The following ZNF503 variants were observed in gnomAD, a reference collection of about 807,000 sequenced individuals.
ZNF503 encodes NocA-like zinc finger 2.
In ZNF503, 15 loss-of-function variants were observed where a neutral mutation model predicts 34.4. That is an observed-to-expected ratio of 0.44 (90% confidence interval 0.29 to 0.67). The LOEUF (loss-of-function observed/expected upper bound fraction) is 0.67, where lower values mean the gene tolerates loss of function less well. ZNF503 is among the 30% of genes least tolerant of loss of function. The pLI is 0.13. For missense variants in ZNF503, 1,007 were observed against 926.8 expected (o/e 1.09, Z -1.12); for synonymous variants, 580 against 456.8 (o/e 1.27, Z -3.44).
At chr10:75,357,959 T>C in the ZNF503 span, among the ~76,000 whole-genome samples, 3 of 152,340 alleles carry the variant, frequency 2.0e-5, no homozygotes, top group East Asian at 3.9e-4. Context: ...CAGTGAGTTA[T>C]GTAAGGCACT....
chr10:75,352,077 C>T, the ZNF503 span, among the ~76,000 whole-genome samples: 1 of 123,126 alleles, frequency 8.1e-6, no homozygotes, highest in South Asian at 2.3e-4. Flanking sequence ...ATTGAAATGC[C>T]TATGGGTGCT....
chr10:75,380,260 C>G, the ZNF503 span, among the ~76,000 whole-genome samples: 3 of 152,176 alleles, frequency 2.0e-5, no homozygotes, highest in Non-Finnish European at 2.9e-5. Context: ...AGAGCGCTTA[C>G]CACCTTCCAG....
the ZNF503 span, among the ~76,000 whole-genome samples, chr10:75,377,898 G>A: frequency 3.9e-5 from 6 of 152,276 alleles, no homozygotes; most frequent in Non-Finnish European, 5.9e-5. Flanking sequence ...AAGCATAGCA[G>A]CTTCTGTTTC....
At chr10:75,317,142 A>C in the ZNF503 span, among the ~76,000 whole-genome samples, 27 of 151,288 alleles carry the variant, frequency 1.8e-4, no homozygotes, top group African/African-American at 4.9e-5. Flanking sequence ...GAGTTTCGCC[A>C]TGCTGGCCAG....
chr10:75,393,358 G>A (rs1843663640), downstream of ZNF503, among the ~76,000 whole-genome samples: 1 of 152,228 alleles, frequency 6.6e-6, no homozygotes, highest in Non-Finnish European at 1.5e-5. Context: ...CCTGGATTGG[G>A]AGCCAACCCA....
At position 75,401,285 on chromosome 10, in the gene ZNF503, T is replaced by TGGGCCG. The variant is rs750741025; in HGVS notation, c.129_134dup (p.Pro45_Gly46dup). 7.1e-5 allele frequency: 112 copies of TGGGCCG among 1,577,528 alleles called. No homozygotes were observed. Among genetic ancestry groups the TGGGCCG allele is most frequent in the Non-Finnish European group, 6.9e-5 (80 of 1,163,972 alleles). ...TGGTGCTGCCGGCCGGGGACGAGCC[T>TGGGCCG]GGGCCGGGGCCGGAGCTATTTCCAG... On this transcript the variant is annotated inframe_insertion, in exon 1 of 2. Coordinates refer to ENST00000372524, the MANE Select transcript of ZNF503 (RefSeq NM_032772.6).
chr10:75,360,664 T>C, the ZNF503 span: 2 of 152,242 alleles, frequency 1.3e-5, no homozygotes, highest in African/African-American at 4.8e-5. Context: ...TAATGTTCTA[T>C]AGAGGCCTGT....
the ZNF503 span, among the ~76,000 whole-genome samples, chr10:75,312,850 G>T: frequency 1.3e-5 from 2 of 152,196 alleles, no homozygotes; most frequent in African/African-American, 4.8e-5. Context: ...TTGAATTGTA[G>T]TAATACCCAT....
At position 75,401,431 on chromosome 10, in the gene ZNF503, G is replaced by C. The variant is rs958847085; in HGVS notation, c.-12C>G. Reference sequence around the variant, plus strand: ...GGCGCTGTGCTCATGACCCACCCGCGCGCATGGGAGCAGCGGGGGGGAGGG... The same window carrying C: ...GGCGCTGTGCTCATGACCCACCCGCCCGCATGGGAGCAGCGGGGGGGAGGG... On this transcript the variant is annotated 5_prime_UTR_variant, in exon 1 of 2. Transcript: ENST00000372524. 52 of 1,532,224 alleles carry C rather than the reference G, an allele frequency of 3.4e-5. No homozygotes were observed. Among genetic ancestry groups the C allele is most frequent in the Non-Finnish European group, 4.1e-5 (47 of 1,144,552 alleles). The allele number at this position is 1,532,224 out of a possible 1,614,324, so 94.9% of individuals were successfully genotyped here.
the ZNF503 span, among the ~76,000 whole-genome samples, chr10:75,368,026 A>AT: frequency 6.6e-6 from 1 of 152,200 alleles, no homozygotes; most frequent in Non-Finnish European, 1.5e-5. Context: ...GAGTTAGGGC[A>AT]TTGAACCTCG....
the ZNF503 span, among the ~76,000 whole-genome samples, chr10:75,363,812 G>T: frequency 2.6e-5 from 4 of 152,170 alleles, no homozygotes; most frequent in Non-Finnish European, 5.9e-5. Context: ...ATATACACTG[G>T]ATTTTCTAGG....
At chr10:75,392,955 G>C (rs1439336518), downstream of ZNF503, among the ~76,000 whole-genome samples, 1 of 152,226 alleles carries the variant, frequency 6.6e-6, no homozygotes, top group East Asian at 1.9e-4. Flanking sequence ...GGTCAAGAGA[G>C]ACTCAGCCTT....
the ZNF503 span, among the ~76,000 whole-genome samples, chr10:75,359,876 TGA>T: frequency 6.6e-6 from 1 of 152,122 alleles, no homozygotes; most frequent in Non-Finnish European, 1.5e-5. Context: ...TTCAGGAACC[TGA>T]GAGTGAAGCC....
the ZNF503 span, among the ~76,000 whole-genome samples, chr10:75,366,683 G>A: frequency 2.6e-5 from 4 of 152,204 alleles, no homozygotes; most frequent in East Asian, 1.9e-4. Flanking sequence ...TCTGTGCTCC[G>A]AGCCTGATTC....
the ZNF503 span, among the ~76,000 whole-genome samples, chr10:75,388,364 G>A: frequency 6.6e-6 from 1 of 152,232 alleles, no homozygotes; most frequent in Non-Finnish European, 1.5e-5. Flanking sequence ...ACATCACTGA[G>A]TGAGGAGTTG....
chr10:75,351,424 G>A, the ZNF503 span, among the ~76,000 whole-genome samples: 3 of 152,108 alleles, frequency 2.0e-5, no homozygotes, highest in African/African-American at 7.2e-5. Flanking sequence ...TGCCCATCTC[G>A]GCCTCCCAAA....
chr10:75,395,663 C>G (rs1411140434), downstream of ZNF503, among the ~76,000 whole-genome samples: 1 of 152,192 alleles, frequency 6.6e-6, no homozygotes, highest in Non-Finnish European at 1.5e-5. The surrounding 1 kb of genome is among the most constrained non-coding windows in gnomAD (Gnocchi z 4.4). Context: ...GATACTGGCA[C>G]CCACCCTTCA....
the ZNF503 span, among the ~76,000 whole-genome samples, chr10:75,286,815 G>A: frequency 0.012 from 1,871 of 152,314 alleles, 39 homozygotes; most frequent in African/African-American, 0.043. Context: ...GAGGGGCTGC[G>A]TCGCCTCTCC....
the ZNF503 span, among the ~76,000 whole-genome samples, chr10:75,376,650 A>C: frequency 6.6e-6 from 1 of 152,028 alleles, no homozygotes; most frequent in South Asian, 2.1e-4. Context: ...TCAAAAAAAA[A>C]CAAAAACAAA....
Sources: gnomAD v4.1 joint callset for allele counts (sites outside exome capture counted in the v4.1 genomes callset) on GRCh38, gnomAD v4.1.1 for gene constraint, Gnocchi (gnomAD v3.1) non-coding constraint, MANE v1.5 for transcripts, NCBI Gene and HGNC (gene_info 2026-07-23, HGNC 2026-07-21) for gene names.